PRIM2: variants seen among roughly 807,000 people sequenced by gnomAD.
PRIM2 encodes DNA primase subunit 2.
In PRIM2, 39 loss-of-function variants were observed where a neutral mutation model predicts 67.3. That is an observed-to-expected ratio of 0.58 (90% CI 0.45 to 0.76). PRIM2 has a LOEUF of 0.76. PRIM2 is among the 30% of genes least tolerant of loss of function. PRIM2 has a pLI of 0.00. For missense variants in PRIM2, 398 were observed against 598.7 expected, an observed-to-expected ratio of 0.66 and a Z score of 3.50; for synonymous variants, 143 against 198.7, an observed-to-expected ratio of 0.72 and a Z score of 2.36.
chr6:57,376,407 C>T (rs1388990517), intron 5 of PRIM2, among the ~76,000 whole-genome samples: 1 of 152,178 alleles, frequency 6.6e-6, no homozygotes, highest in Admixed American at 6.5e-5. Context: ...GGAGGTTGAG[C>T]ATCTTTTAAT....
chr6:57,487,369 C>G (rs1773778670), intron 7 of PRIM2, among the ~76,000 whole-genome samples: 1 of 152,144 alleles, frequency 6.6e-6, no homozygotes, highest in South Asian at 2.1e-4. Context: ...GCTGGGACTA[C>G]AGGTGCATGC....
chr6:57,522,482 C>T (rs1350181402), intron 8 of PRIM2, among the ~76,000 whole-genome samples: 1 of 152,096 alleles, frequency 6.6e-6, no homozygotes, highest in Non-Finnish European at 1.5e-5. Flanking sequence ...ATTTTGATAA[C>T]ATACCTTATT....
At chr6:57,345,474 ATG>A (rs754685184) in intron 5 of PRIM2, among the ~76,000 whole-genome samples, 245 of 124,474 alleles carry the variant, frequency 2.0e-3, no homozygotes, top group East Asian at 2.4e-3. Flanking sequence ...ATATATATAT[ATG>A]TGTGTGTGTG....
chr6:57,496,004 C>T (rs1333027017), intron 7 of PRIM2, among the ~76,000 whole-genome samples: 1 of 152,180 alleles, frequency 6.6e-6, no homozygotes, highest in African/African-American at 2.4e-5. Context: ...CCTGGGCCTC[C>T]CTAAGTGCTG....
At chr6:57,249,999 T>C in the PRIM2 span, among the ~76,000 whole-genome samples, 1 of 152,160 alleles carries the variant, frequency 6.6e-6, no homozygotes. Flanking sequence ...TAAATGTGTA[T>C]CTTCCTGTGT....
At chr6:57,445,262 T>C (rs1772328127) in intron 7 of PRIM2, among the ~76,000 whole-genome samples, 1 of 152,168 alleles carries the variant, frequency 6.6e-6, no homozygotes, top group South Asian at 2.1e-4. Flanking sequence ...ATTTTCATAG[T>C]TGAAGAAACT....
chr6:57,269,867 C>A, the PRIM2 span, among the ~76,000 whole-genome samples: 6 of 152,104 alleles, frequency 3.9e-5, no homozygotes, highest in African/African-American at 9.7e-5. Context: ...AGTTTTCCCA[C>A]CACCATTTAT....
At chr6:57,485,303 G>C (rs1365784368) in intron 7 of PRIM2, among the ~76,000 whole-genome samples, 1 of 152,110 alleles carries the variant, frequency 6.6e-6, no homozygotes, top group Non-Finnish European at 1.5e-5. Context: ...CCCTGCCCTT[G>C]CCCTGTTTAC....
At chr6:57,384,092 A>G (rs1433109146) in intron 7 of PRIM2, among the ~76,000 whole-genome samples, 4 of 152,182 alleles carry the variant, frequency 2.6e-5, no homozygotes, top group Non-Finnish European at 4.4e-5. Flanking sequence ...CTTTACCCTT[A>G]TGTGTATGCC....
the PRIM2 span, among the ~76,000 whole-genome samples, chr6:57,269,210 C>A: frequency 6.6e-6 from 1 of 151,698 alleles, no homozygotes; most frequent in Non-Finnish European, 1.5e-5. Flanking sequence ...AATCGCCACA[C>A]TGACTTCCAC....
chr6:57,433,485 C>T (rs1771901347), intron 7 of PRIM2, among the ~76,000 whole-genome samples: 1 of 145,848 alleles, frequency 6.9e-6, no homozygotes, highest in Admixed American at 7.2e-5. Flanking sequence ...TTAAAAAAAT[C>T]AAACTATTGC....
chr6:57,421,788 G>A (rs1162227014), intron 7 of PRIM2, among the ~76,000 whole-genome samples: 1 of 152,180 alleles, frequency 6.6e-6, no homozygotes, highest in East Asian at 1.9e-4. Flanking sequence ...GTATTTTGAA[G>A]TACTGTCTTT....
chr6:57,567,157 G>A (rs1205305157), intron 10 of PRIM2, among the ~76,000 whole-genome samples: 7 of 151,950 alleles, frequency 4.6e-5, no homozygotes, highest in Admixed American at 4.6e-4. Context: ...GATCAGCATG[G>A]GGATTAGAAA....
intron 12 of PRIM2, among the ~76,000 whole-genome samples, chr6:57,630,708 T>C (rs1320534122): frequency 2.0e-5 from 3 of 152,048 alleles, no homozygotes; most frequent in Non-Finnish European, 4.4e-5. Flanking sequence ...TTGAAGTCTT[T>C]ACTTCTCCAA....
At chr6:57,452,855 T>C (rs1772605167) in intron 7 of PRIM2, among the ~76,000 whole-genome samples, 1 of 152,244 alleles carries the variant, frequency 6.6e-6, no homozygotes, top group Admixed American at 6.5e-5. Context: ...CATGAAGTCC[T>C]TGCCCTTACC....
At chr6:57,569,809 C>T (rs1458169288) in intron 10 of PRIM2, among the ~76,000 whole-genome samples, 1 of 151,698 alleles carries the variant, frequency 6.6e-6, no homozygotes, top group African/African-American at 2.4e-5. Context: ...TGTAGTGGCA[C>T]GATCTTGGCT....
chr6:57,531,467 A>T (rs1232150679), intron 8 of PRIM2, among the ~76,000 whole-genome samples: 1 of 152,088 alleles, frequency 6.6e-6, no homozygotes, highest in Non-Finnish European at 1.5e-5. Context: ...GTGAATTTCT[A>T]TGTAATCTAG....
intron 7 of PRIM2, among the ~76,000 whole-genome samples, chr6:57,494,653 AG>A: frequency 6.6e-6 from 1 of 152,306 alleles, no homozygotes; most frequent in Non-Finnish European, 1.5e-5. Flanking sequence ...TCAGTGATCT[AG>A]GTGGCTACTT....
chr6:57,258,385 T>TA, the PRIM2 span, among the ~76,000 whole-genome samples: 669 of 149,050 alleles, frequency 4.5e-3, 2 homozygotes, highest in Non-Finnish European at 6.8e-3. Context: ...AAATGAGGTT[T>TA]AAAAAAAAAA....
Sources: allele counts gnomAD v4.1 joint callset (sites outside exome capture counted in the v4.1 genomes callset), GRCh38; gene constraint gnomAD v4.1.1; transcripts MANE v1.5; gene names NCBI Gene and HGNC (gene_info 2026-07-23, HGNC 2026-07-21).